BRAP: variants seen among roughly 807,000 people sequenced by gnomAD.
BRAP encodes the protein BRCA1-associated protein.
In BRAP, 42 loss-of-function variants were observed where a neutral mutation model predicts 73.4. That is an observed-to-expected ratio of 0.57 (90% CI 0.45 to 0.74). The LOEUF is 0.74. Ranked by LOEUF, BRAP falls within the 30% of genes least tolerant of loss-of-function variation. The pLI, the probability that BRAP is intolerant of heterozygous loss-of-function variation, is 0.00. For missense variants in BRAP, 593 were observed against 751.4 expected (o/e 0.79, Z 2.46); for synonymous variants, 255 against 267.4 (o/e 0.95, Z 0.45).
At chr12:111,649,913 C>T (rs1269520744) in intron 11 of BRAP, 26 bp downstream of exon 11, 5 of 1,491,884 alleles carry the variant, frequency 3.4e-6, no homozygotes, top group Non-Finnish European at 3.7e-6. Context: ...GAGCCTGTTA[C>T]AACAGAATAG....
At chr12:111,660,066 C>A (rs1034045407) in intron 7 of BRAP, among the ~76,000 whole-genome samples, 3 of 149,876 alleles carry the variant, frequency 2.0e-5, no homozygotes, top group Non-Finnish European at 2.9e-5. Flanking sequence ...AGAATGATAC[C>A]CTGTCTCAAA....
intron 3 of BRAP, 51 bp downstream of exon 3, chr12:111,681,586 A>T: frequency 9.5e-7 from 1 of 1,056,434 alleles, no homozygotes; most frequent in South Asian, 2.1e-5. Context: ...AGCAAAGCAA[A>T]AAAAAAAAAA....
intron 1 of BRAP, 52 bp from the exon 2 acceptor site, chr12:111,683,359 G>C (rs555792778): frequency 6.5e-7 from 1 of 1,534,454 alleles, no homozygotes; most frequent in South Asian, 1.2e-5. Context: ...GCTCCTCTCT[G>C]TTCTCTATTC....
At chr12:111,679,021 C>T (rs998055358) in intron 4 of BRAP, 130 bp downstream of exon 4, 26 of 572,710 alleles carry the variant, frequency 4.5e-5, no homozygotes, top group Non-Finnish European at 5.6e-5. Context: ...TCTAGAATTA[C>T]AATTATATCT....
chr12:111,644,024 A>T lies in BRAP; in HGVS notation c.*175T>A. On this transcript the variant is annotated 3_prime_UTR_variant, in exon 12 of 12. Transcript: ENST00000419234. ...CGCAGCGCCTTTCTATCAGCTCTCC[A>T]GTCAGCACCCTTTACATTCACTACA... The T allele has an allele frequency of 2.0e-6, 2 of 1,023,692 alleles. No individual in the cohort carries two copies. The highest frequency in any genetic ancestry group is 2.8e-6 in the Non-Finnish European group (2 of 726,568). 63.4% of individuals were successfully genotyped at this position (1,023,692 alleles called of 1,614,324 possible). A position where few individuals can be genotyped will look rare whatever the true frequency, so the allele number is the denominator to read the frequency against.
chr12:111,655,338 A>G (rs1886487406), intron 10 of BRAP, among the ~76,000 whole-genome samples: 1 of 151,208 alleles, frequency 6.6e-6, no homozygotes, highest in Non-Finnish European at 1.5e-5. Context: ...GAGGTTTAAA[A>G]AAAAAAAAAA....
At chr12:111,667,957 C>T (rs897714700) in intron 5 of BRAP, among the ~76,000 whole-genome samples, 3 of 152,000 alleles carry the variant, frequency 2.0e-5, no homozygotes, top group Admixed American at 1.3e-4. Flanking sequence ...ACCCGTAATC[C>T]CAGCACTTTG....
chr12:111,683,045 TA>T, intron 2 of BRAP, 100 bp downstream of exon 2: 1 of 1,320,404 alleles, frequency 7.6e-7, no homozygotes, highest in East Asian at 2.4e-5. Context: ...AAGACAAAAG[TA>T]TGCTAGATGT....
chr12:111,656,866 TG>T (rs999808054), intron 9 of BRAP, among the ~76,000 whole-genome samples: 1 of 152,244 alleles, frequency 6.6e-6, no homozygotes, highest in Admixed American at 6.5e-5. Context: ...CCTGAGTAGC[TG>T]GAACTACAGG....
rs1473737272 is a variant in BRAP, at chr12:111,643,789, G to A, written c.*410C>T. On this transcript the variant is annotated 3_prime_UTR_variant, in exon 12 of 12. Coordinates refer to ENST00000419234, the MANE Select transcript of BRAP (RefSeq NM_006768.5). Reference sequence around the variant, plus strand: ...TTAAAGCAGCTGTTATGCCCTCAGAGAGGTTTGGTGCTTTAGTGCTAGATA... The same window carrying A: ...TTAAAGCAGCTGTTATGCCCTCAGAAAGGTTTGGTGCTTTAGTGCTAGATA... The A allele has an allele frequency of 1.1e-5, 2 of 174,750 alleles. No homozygotes were observed. The highest frequency in any genetic ancestry group is 2.4e-5 in the Non-Finnish European group (2 of 81,636). The allele number at this position is 174,750 out of a possible 1,614,324, so 10.8% of individuals were successfully genotyped here.
chr12:111,672,249 C>T (rs1003958164), intron 5 of BRAP, among the ~76,000 whole-genome samples: 12 of 152,064 alleles, frequency 7.9e-5, no homozygotes, highest in African/African-American at 2.9e-4. Flanking sequence ...ATATTGAAAA[C>T]AAAAACATTT....
intron 5 of BRAP, among the ~76,000 whole-genome samples, chr12:111,666,650 T>C (rs1036954710): frequency 6.6e-6 from 1 of 152,044 alleles, no homozygotes; most frequent in Admixed American, 6.6e-5. Flanking sequence ...GGGTGTGAAT[T>C]AGGGGGCATG....
intron 1 of BRAP, 40 bp downstream of exon 1, chr12:111,685,671 G>T: frequency 1.3e-6 from 2 of 1,580,526 alleles, no homozygotes; most frequent in South Asian, 2.3e-5. Context: ...TCCGGGCCCA[G>T]ACCCGGCTAC....
rs1886004377 is a variant in BRAP, at chr12:111,644,158, G to A, written c.*41C>T. The A allele has an allele frequency of 6.3e-7, 1 of 1,581,300 alleles. No homozygotes were observed. Among genetic ancestry groups the A allele is most frequent in the Non-Finnish European group, 8.6e-7 (1 of 1,167,580 alleles). On this transcript the variant is annotated 3_prime_UTR_variant, in exon 12 of 12. Transcript: ENST00000419234. ...GAAGGTCCCAGCACACTCTCACAGTGTCAGGGAGAACAGTCTCAGGGATGT... is the reference window on the plus strand; with the variant it reads ...GAAGGTCCCAGCACACTCTCACAGTATCAGGGAGAACAGTCTCAGGGATGT...
intron 11 of BRAP, among the ~76,000 whole-genome samples, chr12:111,646,894 T>C (rs1886130868): frequency 6.6e-6 from 1 of 152,242 alleles, no homozygotes; most frequent in African/African-American, 2.4e-5. Context: ...TGGAGGAAGA[T>C]GCTCATTACA....
chr12:111,683,754 T>G (rs2135933427), intron 1 of BRAP, among the ~76,000 whole-genome samples: 1 of 152,246 alleles, frequency 6.6e-6, no homozygotes, highest in South Asian at 2.1e-4. Context: ...TTGGACAGGC[T>G]GGTCTCGAAC....
At chr12:111,673,861 G>C (rs1851689169) in intron 4 of BRAP, among the ~76,000 whole-genome samples, 1 of 152,182 alleles carries the variant, frequency 6.6e-6, no homozygotes, top group South Asian at 2.1e-4. Flanking sequence ...CTATGAAATG[G>C]ACACAGGTAA....
chr12:111,654,052 A>G (rs59265267), intron 10 of BRAP, among the ~76,000 whole-genome samples: 2,378 of 152,324 alleles, frequency 0.016, 74 homozygotes, highest in African/African-American at 0.054. Context: ...GGTATATCCC[A>G]TGGAAAAACC....
chr12:111,658,849 C>A lies in BRAP; in HGVS notation c.1112-4G>T. 6.3e-7 allele frequency: 1 copy of A among 1,589,184 alleles called. No homozygotes were observed. The highest frequency in any genetic ancestry group is 8.6e-7 in the Non-Finnish European group (1 of 1,158,904). On this transcript the variant is annotated splice_polypyrimidine_tract_variant and splice_region_variant and intron_variant, in intron 8 of 11. Transcript: ENST00000419234. ...ACCAGTCGATGAACATAGTTATCTA[C>A]AGAAAGAGTCAACAAAAGTGTGTTT...
Sources: allele counts gnomAD v4.1 joint callset (sites outside exome capture counted in the v4.1 genomes callset), GRCh38; gene constraint gnomAD v4.1.1; transcripts MANE v1.5; gene names NCBI Gene and HGNC (gene_info 2026-07-23, HGNC 2026-07-21).